The following COL6A6 variants were observed in gnomAD, a reference collection of about 807,000 sequenced individuals.
The protein encoded by COL6A6 is collagen type VI alpha 6 chain.
A neutral mutation model predicts 208.6 loss-of-function variants in COL6A6; 183 were observed. The observed-to-expected ratio is 0.88, with a 90% confidence interval of 0.78 to 0.99. COL6A6 has a LOEUF of 0.99. COL6A6 is among the 50% of genes least tolerant of loss of function. COL6A6 has a pLI of 0.00. For synonymous variants in COL6A6, 973 were observed against 1,011.8 expected (o/e 0.96, Z 0.73); for missense variants, 2,816 against 2,815.2 (o/e 1.00, Z -0.01).
intron 20 of COL6A6, among the ~76,000 whole-genome samples, chr3:130,600,900 A>T (rs962691937): frequency 1.3e-5 from 2 of 152,120 alleles, no homozygotes; most frequent in Admixed American, 6.6e-5. Flanking sequence ...GGAAAAAAAA[A>T]GGGGGAAAGA....
In COL6A6 at chr3:130,517,655, G is replaced by T. The variant is rs183977665; in HGVS notation, c.-32+258G>T. On this transcript the variant is annotated intron_variant, in intron 1 of 36. Coordinates refer to ENST00000358511, the MANE Select transcript of COL6A6 (RefSeq NM_001102608.3). ...GTTGAAGAACCTACAGCACACTCTT[G>T]TCATTCTCTGCTCCCATCTCCGCGT... Among the ~76,000 whole-genome samples the T allele has an allele frequency of 5.9e-5, 9 of 152,358 alleles. No homozygotes were observed. The East Asian group carries it at 1.2e-3, about 20-fold the overall frequency.
chr3:130,559,758 A>G (rs2062839882), intron 1 of COL6A6, among the ~76,000 whole-genome samples: 2 of 152,210 alleles, frequency 1.3e-5, no homozygotes, highest in South Asian at 4.1e-4. Context: ...TTGGACATAA[A>G]ATGGTGTAAG....
At chr3:130,615,960 C>G (rs943039566) in intron 23 of COL6A6, among the ~76,000 whole-genome samples, 3 of 152,112 alleles carry the variant, frequency 2.0e-5, no homozygotes, top group African/African-American at 7.2e-5. Flanking sequence ...CAGAAGGTAC[C>G]ACTTCTCTCT....
chr3:130,539,795 G>A (rs1043466050), intron 1 of COL6A6, among the ~76,000 whole-genome samples: 3 of 152,154 alleles, frequency 2.0e-5, no homozygotes, highest in African/African-American at 4.8e-5. Flanking sequence ...GACCATCTCA[G>A]TGGGACAAAT....
chr3:130,596,829 AAAG>A (rs764711465), intron 18 of COL6A6, among the ~76,000 whole-genome samples: 1 of 152,242 alleles, frequency 6.6e-6, no homozygotes, highest in Non-Finnish European at 1.5e-5. Flanking sequence ...ATTTTTAAAA[AAAG>A]AAATATTGGG....
At chr3:130,668,589 A>T (rs2066134483) in intron 36 of COL6A6, among the ~76,000 whole-genome samples, 1 of 152,230 alleles carries the variant, frequency 6.6e-6, no homozygotes, top group Non-Finnish European at 1.5e-5. Context: ...AAATATATCA[A>T]AAATAAAGGT....
intron 34 of COL6A6, 46 bp from the exon 35 acceptor site, chr3:130,661,591 C>T: frequency 6.7e-7 from 1 of 1,482,938 alleles, no homozygotes; most frequent in South Asian, 1.3e-5. Context: ...GCTATCTTCC[C>T]TTTTCTATTT....
chr3:130,599,919 C>T (rs2108133732), intron 20 of COL6A6, 109 bp downstream of exon 20: 5 of 953,624 alleles, frequency 5.2e-6, no homozygotes, highest in Middle Eastern at 2.6e-4. Flanking sequence ...AGCTCACTAC[C>T]TTGAGGAAAC....
At chr3:130,518,063 A>AT (rs1430901559) in intron 1 of COL6A6, among the ~76,000 whole-genome samples, 1 of 152,222 alleles carries the variant, frequency 6.6e-6, no homozygotes, top group Non-Finnish European at 1.5e-5. Context: ...AGGAAAAAAA[A>AT]TGTTAAAACT....
chr3:130,569,746 A>G (rs1198822505), intron 6 of COL6A6, among the ~76,000 whole-genome samples: 1 of 152,168 alleles, frequency 6.6e-6, no homozygotes, highest in Non-Finnish European at 1.5e-5. Flanking sequence ...CAGGCAGTCA[A>G]AGACCACGGG....
intron 1 of COL6A6, among the ~76,000 whole-genome samples, chr3:130,557,616 T>C (rs1473211674): frequency 6.6e-6 from 1 of 152,212 alleles, no homozygotes; most frequent in African/African-American, 2.4e-5. Flanking sequence ...AAATCAGTAC[T>C]TAAAAATGAT....
At chr3:130,518,635 T>C (rs1710883330) in intron 1 of COL6A6, among the ~76,000 whole-genome samples, 1 of 152,174 alleles carries the variant, frequency 6.6e-6, no homozygotes, top group Admixed American at 6.5e-5. Flanking sequence ...GCCTCGCGAG[T>C]AGCTGGGATT....
chr3:130,608,579 G>A (rs1018293781), intron 21 of COL6A6, among the ~76,000 whole-genome samples: 5 of 151,784 alleles, frequency 3.3e-5, no homozygotes, highest in Non-Finnish European at 5.9e-5. Flanking sequence ...AATTTTGAGT[G>A]TTTTTAAGGC....
intron 11 of COL6A6, 108 bp downstream of exon 11, chr3:130,586,768 A>G (rs2063551991): frequency 5.3e-6 from 6 of 1,135,888 alleles, no homozygotes; most frequent in East Asian, 2.6e-5. Flanking sequence ...TTGGGAGTGA[A>G]GAAAGGTTTT....
chr3:130,561,903 C>T (rs372123832), intron 2 of COL6A6, among the ~76,000 whole-genome samples: 1,684 of 152,028 alleles, frequency 0.011, 35 homozygotes, highest in African/African-American at 0.039. Flanking sequence ...CCACCCGCCT[C>T]GGCCTCCCAA....
intron 1 of COL6A6, among the ~76,000 whole-genome samples, chr3:130,526,617 G>A (rs2061967422): frequency 6.6e-6 from 1 of 152,192 alleles, no homozygotes; most frequent in Non-Finnish European, 1.5e-5. Flanking sequence ...TGGCAGTGAT[G>A]TGGTTTGCAG....
rs56339748 is a variant in COL6A6, at chr3:130,542,898, C to CTTTTTTT, written c.-31-17416_-31-17410dup. ...GTACATGTTTCTCCATCCATTCACT[C>CTTTTTTT]TTTTTTTTTTTTTTTTTTTTTTTTT... On this transcript the variant is annotated intron_variant, in intron 1 of 36. Coordinates refer to ENST00000358511, the MANE Select transcript of COL6A6 (RefSeq NM_001102608.3). 4.1e-4 allele frequency among the ~76,000 whole-genome samples: 38 copies of CTTTTTTT among 92,598 alleles called. 2 individuals carry two copies. The highest frequency in any genetic ancestry group is 1.5e-3 in the African/African-American group (37 of 24,124). 60.7% of individuals were successfully genotyped at this position (92,598 alleles called of 152,430 possible). A position where few individuals can be genotyped will look rare whatever the true frequency, so the allele number is the denominator to read the frequency against.
At chr3:130,601,647 T>A (rs949104473) in intron 20 of COL6A6, among the ~76,000 whole-genome samples, 1 of 152,182 alleles carries the variant, frequency 6.6e-6, no homozygotes, top group East Asian at 1.9e-4. Flanking sequence ...ACCACTCCCA[T>A]GAAATATGAC....
At chr3:130,623,534 C>G (rs1466227722) in intron 24 of COL6A6, among the ~76,000 whole-genome samples, 1 of 151,982 alleles carries the variant, frequency 6.6e-6, no homozygotes, top group Non-Finnish European at 1.5e-5. Context: ...GTCTCCAAGG[C>G]AAATAGTGAT....
Sources: gnomAD v4.1 joint callset for allele counts (sites outside exome capture counted in the v4.1 genomes callset) on GRCh38, gnomAD v4.1.1 for gene constraint, MANE v1.5 for transcripts, NCBI Gene and HGNC (gene_info 2026-07-23, HGNC 2026-07-21) for gene names.